Variants in CNTNAP2 observed in about 807,000 individuals in gnomAD.
The protein encoded by CNTNAP2 is contactin associated protein 2.
Under a neutral mutation model 155.2 loss-of-function variants are expected in CNTNAP2, and 98 were observed. The ratio of observed to expected loss-of-function variants is 0.63; its 90% CI spans 0.54 to 0.75. The LOEUF (loss-of-function observed/expected upper bound fraction) is 0.75, where lower values mean the gene tolerates loss of function less well. CNTNAP2 is among the 30% of genes least tolerant of loss of function. CNTNAP2 has a pLI of 0.00. For synonymous variants in CNTNAP2, 651 were observed against 631.2 expected, an observed-to-expected ratio of 1.03 and a Z score of -0.47; for missense variants, 1,727 against 1,688.1, an observed-to-expected ratio of 1.02 and a Z score of -0.40.
intron 3 of CNTNAP2, among the ~76,000 whole-genome samples, chr7:146,850,765 C>T (rs565965178): frequency 2.6e-5 from 4 of 151,724 alleles, no homozygotes; most frequent in East Asian, 1.9e-4. Flanking sequence ...GGAACATACC[C>T]GCAAAATAAA....
At chr7:146,721,993 A>G (rs1008614957) in intron 1 of CNTNAP2, among the ~76,000 whole-genome samples, 1 of 148,436 alleles carries the variant, frequency 6.7e-6, no homozygotes, top group African/African-American at 2.6e-5. Context: ...GGTTCAAGCA[A>G]TTCTCCTGTC....
chr7:147,861,999 C>CAAAAAAAAAAAAA lies in CNTNAP2; in HGVS notation c.2099-41554_2099-41542dup, dbSNP rs57139075. Among the ~76,000 whole-genome samples, 67 of 94,938 alleles carry CAAAAAAAAAAAAA rather than the reference C, an allele frequency of 7.1e-4. 2 individuals carry two copies. The highest frequency in any genetic ancestry group is 8.1e-4 in the Non-Finnish European group (39 of 48,070). 62.3% of individuals were successfully genotyped at this position (94,938 alleles called of 152,430 possible). A position where few individuals can be genotyped will look rare whatever the true frequency, so the allele number is the denominator to read the frequency against. On this transcript the variant is annotated intron_variant, in intron 13 of 23. Coordinates refer to ENST00000361727, the MANE Select transcript of CNTNAP2 (RefSeq NM_014141.6). ...GGCAATAGAGTGAAACTCCATCTCA[C>CAAAAAAAAAAAAA]AAAAAAAAAAAAAAAAAAAAAAAAT...
At chr7:148,400,815 A>G (rs527337698) in intron 22 of CNTNAP2, among the ~76,000 whole-genome samples, 2 of 152,190 alleles carry the variant, frequency 1.3e-5, no homozygotes, top group South Asian at 4.1e-4. Context: ...CCCAATCTCT[A>G]CTAAAAATAC....
chr7:148,229,962 G>C (rs1035123753), intron 20 of CNTNAP2, among the ~76,000 whole-genome samples, 183 bp downstream of exon 20: 2 of 152,182 alleles, frequency 1.3e-5, no homozygotes, highest in African/African-American at 4.8e-5. Flanking sequence ...GAAAGACAAT[G>C]ATGAAGTTGA....
intron 1 of CNTNAP2, among the ~76,000 whole-genome samples, chr7:146,188,191 A>G (rs889205508): frequency 2.0e-5 from 3 of 152,198 alleles, no homozygotes; most frequent in Non-Finnish European, 2.9e-5. Flanking sequence ...AAAAAATTCC[A>G]TAAGGAATCT....
chr7:148,290,978 A>T (rs1045697949), intron 21 of CNTNAP2, among the ~76,000 whole-genome samples: 1 of 152,108 alleles, frequency 6.6e-6, no homozygotes, highest in African/African-American at 2.4e-5. Context: ...TTGTGAAAGG[A>T]TGGTTTTGGT....
intron 8 of CNTNAP2, among the ~76,000 whole-genome samples, chr7:147,178,791 T>G (rs1343645217): frequency 6.6e-6 from 1 of 152,220 alleles, no homozygotes; most frequent in South Asian, 2.1e-4. Context: ...TTTCTTGATG[T>G]AGGTTATGTT....
At chr7:148,218,930 A>G (rs1175183312) in intron 19 of CNTNAP2, among the ~76,000 whole-genome samples, 1 of 143,322 alleles carries the variant, frequency 7.0e-6, no homozygotes, top group Admixed American at 7.0e-5. Context: ...GAATTCTAAG[A>G]TCACTCTTTT....
intron 9 of CNTNAP2, among the ~76,000 whole-genome samples, chr7:147,358,691 A>T (rs1796100868): frequency 6.6e-6 from 1 of 152,120 alleles, no homozygotes; most frequent in African/African-American, 2.4e-5. Context: ...AAAAAAAGCA[A>T]ATTTTATTTA....
chr7:147,959,637 C>T (rs2116841044), intron 14 of CNTNAP2, among the ~76,000 whole-genome samples: 1 of 152,228 alleles, frequency 6.6e-6, no homozygotes, highest in Non-Finnish European at 1.5e-5. Flanking sequence ...TAAGGAGCAG[C>T]TTATGCAGAC....
intron 1 of CNTNAP2, among the ~76,000 whole-genome samples, chr7:146,566,610 T>C (rs1218826528): frequency 1.3e-5 from 2 of 151,900 alleles, no homozygotes; most frequent in Non-Finnish European, 2.9e-5. Flanking sequence ...GGCAGGAGAA[T>C]TGCTTGAACC....
intron 9 of CNTNAP2, among the ~76,000 whole-genome samples, chr7:147,371,682 C>T (rs990781946): frequency 6.6e-6 from 1 of 152,060 alleles, no homozygotes; most frequent in Admixed American, 6.6e-5. Context: ...CACCACTAAA[C>T]CTGAGTGAGG....
intron 3 of CNTNAP2, among the ~76,000 whole-genome samples, chr7:146,850,812 TCAAA>T (rs1377582840): frequency 1.3e-5 from 2 of 151,908 alleles, no homozygotes; most frequent in Non-Finnish European, 2.9e-5. Context: ...ACTAAACTAA[TCAAA>T]CAGTGGAGCT....
At position 146,715,398 on chromosome 7, in the gene CNTNAP2, C is replaced by T. The variant is rs545846204; in HGVS notation, c.98-58873C>T. On this transcript the variant is annotated intron_variant, in intron 1 of 23. Coordinates refer to ENST00000361727, the MANE Select transcript of CNTNAP2 (RefSeq NM_014141.6). The stretch of plus-strand genomic sequence containing the variant: ...TGTGAAATACAGCAAGTCCCTGGGC[C>T]TTTGGTGACTCTGTATATTAACAGA... Among the ~76,000 whole-genome samples the T allele has an allele frequency of 3.2e-4, 48 of 152,276 alleles. 1 individual carries two copies. In the South Asian group the frequency reaches 6.6e-3, roughly 21 times the overall value.
At chr7:148,028,417 G>T (rs1802410383) in intron 15 of CNTNAP2, among the ~76,000 whole-genome samples, 2 of 152,198 alleles carry the variant, frequency 1.3e-5, no homozygotes, top group African/African-American at 4.8e-5. Flanking sequence ...GTTTAACCCA[G>T]GCTCTCTGAA....
At chr7:146,149,070 C>T (rs905102491) in intron 1 of CNTNAP2, among the ~76,000 whole-genome samples, 7 of 151,872 alleles carry the variant, frequency 4.6e-5, no homozygotes, top group African/African-American at 1.5e-4. Context: ...TTAGGAGATA[C>T]ACCTAATGTA....
intron 1 of CNTNAP2, among the ~76,000 whole-genome samples, chr7:146,304,254 A>G (rs576584638): frequency 4.6e-5 from 7 of 152,116 alleles, no homozygotes; most frequent in Admixed American, 4.6e-4. Context: ...TAATTGGAGC[A>G]CTTAGGCAAT....
At chr7:146,221,262 A>G (rs1367919101) in intron 1 of CNTNAP2, among the ~76,000 whole-genome samples, 1 of 152,182 alleles carries the variant, frequency 6.6e-6, no homozygotes, top group Non-Finnish European at 1.5e-5. Context: ...AACTGCAACA[A>G]TTTATACTGA....
intron 10 of CNTNAP2, among the ~76,000 whole-genome samples, chr7:147,480,511 G>A (rs1528524): frequency 1.6e-4 from 25 of 152,016 alleles, no homozygotes; most frequent in African/African-American, 5.8e-4. Context: ...TTTATAGTCA[G>A]TGATCACTTT....
Sources: allele counts gnomAD v4.1 joint callset (sites outside exome capture counted in the v4.1 genomes callset), GRCh38; gene constraint gnomAD v4.1.1; transcripts MANE v1.5; gene names NCBI Gene and HGNC (gene_info 2026-07-23, HGNC 2026-07-21).